The following AGAP1 variants were observed in gnomAD, a reference collection of about 807,000 sequenced individuals.
The protein encoded by AGAP1 is arf-GAP with GTPase, ANK repeat and PH domain-containing protein 1.
Under a neutral mutation model 105.3 loss-of-function variants are expected in AGAP1, and 29 were observed. That is an observed-to-expected ratio of 0.28 (90% CI 0.21 to 0.38). The LOEUF (loss-of-function observed/expected upper bound fraction) is 0.38, where lower values mean the gene tolerates loss of function less well. Ranked by LOEUF, AGAP1 falls within the 10% of genes least tolerant of loss-of-function variation. The pLI, the probability that AGAP1 is intolerant of heterozygous loss-of-function variation, is 1.00. For synonymous variants in AGAP1, 509 were observed against 485.9 expected, an observed-to-expected ratio of 1.05 and a Z score of -0.63; for missense variants, 998 against 1,165.1, an observed-to-expected ratio of 0.86 and a Z score of 2.09.
chr2:236,089,239 A>G lies in AGAP1; in HGVS notation c.2115-30953A>G, dbSNP rs773259321. Among the ~76,000 whole-genome samples, 11 of 152,240 alleles carry G rather than the reference A, an allele frequency of 7.2e-5. No homozygotes were observed. Among genetic ancestry groups the G allele is most frequent in the Non-Finnish European group, 1.0e-4 (7 of 68,044 alleles). ...GATTTTTATTTCCCCAAGAAAAAAT[A>G]AAAAGTTAAAGTCAGTCTAGTCAAT... On this transcript the variant is annotated intron_variant, in intron 16 of 17. Transcript: ENST00000304032. This position sits in a 1 kb window ranked among gnomAD's most constrained non-coding sequence, Gnocchi z 5.6.
chr2:235,686,646 GATATATAT>G lies in AGAP1; in HGVS notation c.164-22520_164-22513del, dbSNP rs869287617. ...ATATATATATATATATATATATATA[GATATATAT>G]ATATATATATATTTTTTTTTTTTTT... On this transcript the variant is annotated intron_variant, in intron 1 of 17. Coordinates refer to ENST00000304032, the MANE Select transcript of AGAP1 (RefSeq NM_001037131.3). Among the ~76,000 whole-genome samples the G allele has an allele frequency of 2.7e-4, 5 of 18,822 alleles. 1 individual carries two copies. The highest frequency in any genetic ancestry group is 4.1e-4 in the Non-Finnish European group (4 of 9,864). 12.3% of individuals were successfully genotyped at this position (18,822 alleles called of 152,430 possible).
intron 17 of AGAP1, among the ~76,000 whole-genome samples, chr2:236,122,537 T>TTC: frequency 6.6e-6 from 1 of 152,276 alleles, no homozygotes; most frequent in East Asian, 1.9e-4. Context: ...TTCACTCTTT[T>TTC]TCATGAGCAA....
chr2:235,857,015 T>G (rs1279961259), intron 9 of AGAP1, among the ~76,000 whole-genome samples: 1 of 152,170 alleles, frequency 6.6e-6, no homozygotes, highest in Non-Finnish European at 1.5e-5. Flanking sequence ...GGCCGGGATT[T>G]GTGTAAGTGA....
chr2:235,904,175 T>A lies in AGAP1; in HGVS notation c.1156-4563T>A, dbSNP rs575190972. On this transcript the variant is annotated intron_variant, in intron 10 of 17. Coordinates refer to ENST00000304032, the MANE Select transcript of AGAP1 (RefSeq NM_001037131.3). This position sits in a 1 kb window ranked among gnomAD's most constrained non-coding sequence, Gnocchi z 4.2. ...ACTATGTGAAAAGAAATCACATTAA[T>A]GCAGCTAATTAAGTGTACGGCAATA... Among the ~76,000 whole-genome samples, 14 of 152,222 alleles carry A rather than the reference T, an allele frequency of 9.2e-5. No individual in the cohort carries two copies. The highest frequency in any genetic ancestry group is 1.8e-4 in the Non-Finnish European group (12 of 68,044).
At position 235,638,072 on chromosome 2, in the gene AGAP1, C is replaced by T. The variant is rs572408060; in HGVS notation, c.164-71107C>T. On this transcript the variant is annotated intron_variant, in intron 1 of 17. Transcript: ENST00000304032. ...GACACACCCACAAATAATATCTTAC[C>T]GGCTGTTGGGGCGTTCCTTGGCCCA... Among the ~76,000 whole-genome samples, 12 of 152,232 alleles carry T rather than the reference C, an allele frequency of 7.9e-5. No homozygotes were observed. The South Asian group carries it at 1.7e-3, about 21-fold the overall frequency.
At position 235,714,604 on chromosome 2, in the gene AGAP1, A is replaced by G. The variant is rs1951006041; in HGVS notation, c.223-2953A>G. 6.6e-6 allele frequency among the ~76,000 whole-genome samples: 1 copy of G among 151,660 alleles called. No individual in the cohort carries two copies. The highest frequency in any genetic ancestry group is 2.4e-5 in the African/African-American group (1 of 41,248). On this transcript the variant is annotated intron_variant, in intron 2 of 17. Coordinates refer to ENST00000304032, the MANE Select transcript of AGAP1 (RefSeq NM_001037131.3). This position sits in a 1 kb window ranked among gnomAD's most constrained non-coding sequence, Gnocchi z 4.1. ...GGTGTAAGAGGACAGGACCGAGCAT[A>G]GGTTTTAGAAAGGCCACTCTGGCTG...
At position 235,953,067 on chromosome 2, in the gene AGAP1, G is replaced by A. The variant is rs1575868798; in HGVS notation, c.1484-15395G>A. On this transcript the variant is annotated intron_variant, in intron 12 of 17. Transcript: ENST00000304032. This position sits in a 1 kb window ranked among gnomAD's most constrained non-coding sequence, Gnocchi z 5.2. ...ACACCACGATGCTATCACCATCCTC[G>A]CTGACTGGGACATGCCACCCACCTC... Among the ~76,000 whole-genome samples the A allele has an allele frequency of 6.6e-6, 1 of 152,182 alleles. No homozygotes were observed. Among genetic ancestry groups the A allele is most frequent in the East Asian group, 1.9e-4 (1 of 5,194 alleles).
intron 1 of AGAP1, among the ~76,000 whole-genome samples, chr2:235,534,452 T>G (rs1943144239): frequency 6.6e-6 from 1 of 152,176 alleles, no homozygotes; most frequent in Non-Finnish European, 1.5e-5. Flanking sequence ...CTGCATGCAG[T>G]GCCCGAGGAT....
At position 235,951,064 on chromosome 2, in the gene AGAP1, A is replaced by G. The variant is rs2125263559; in HGVS notation, c.1484-17398A>G. Among the ~76,000 whole-genome samples, 1 of 152,274 alleles carries G rather than the reference A, an allele frequency of 6.6e-6. No homozygotes were observed. Among genetic ancestry groups the G allele is most frequent in the Non-Finnish European group, 1.5e-5 (1 of 68,018 alleles). ...TGAATTACTCATAGTTTTCTGCTGGAAGTAAATTTAATTCTAGTTTTTAAA... is the reference window on the plus strand; with the variant it reads ...TGAATTACTCATAGTTTTCTGCTGGGAGTAAATTTAATTCTAGTTTTTAAA... On this transcript the variant is annotated intron_variant, in intron 12 of 17. Transcript: ENST00000304032. This position sits in a 1 kb window ranked among gnomAD's most constrained non-coding sequence, Gnocchi z 4.2.
In AGAP1 at chr2:235,740,910, C is replaced by T; in HGVS notation, c.311-53C>T. Reference sequence around the variant, plus strand: ...ACAAGCGAAGCCCACGTCTGTCTGCCCTCCTCACTCTCTGTTGTTCTCGTG... The same window carrying T: ...ACAAGCGAAGCCCACGTCTGTCTGCTCTCCTCACTCTCTGTTGTTCTCGTG... On this transcript the variant is annotated intron_variant, in intron 3 of 17. Transcript: ENST00000304032. This position sits in a 1 kb window ranked among gnomAD's most constrained non-coding sequence, Gnocchi z 5.7. 1 of 1,610,048 alleles carries T rather than the reference C, an allele frequency of 6.2e-7. No homozygotes were observed.
At position 235,494,828 on chromosome 2, in the gene AGAP1, G is replaced by A. The variant is rs1941238335; in HGVS notation, c.142G>A (p.Glu48Lys). 6.3e-7 allele frequency: 1 copy of A among 1,575,568 alleles called. No homozygotes were observed. Among genetic ancestry groups the A allele is most frequent in the Non-Finnish European group, 8.6e-7 (1 of 1,160,816 alleles). The change falls in exon 1 of 18, where the codon GAG (glutamate) becomes AAG (lysine). Residue 48 changes from glutamate (E) to lysine (K), a missense_variant. By Grantham distance (56) the Glu-to-Lys change is moderately conservative. Coordinates refer to ENST00000304032, the MANE Select transcript of AGAP1 (RefSeq NM_001037131.3). ...EEPVLQNQIREHVIAIEDAFV... is the reference protein window; with the variant it reads ...EEPVLQNQIRKHVIAIEDAFV... ...GCCGGTGCTGCAGAACCAGATCCGGGAGCACGTCATCGCCATCGAAGGTGA... is the reference window on the plus strand; with the variant it reads ...GCCGGTGCTGCAGAACCAGATCCGGAAGCACGTCATCGCCATCGAAGGTGA...
At position 236,127,342 on chromosome 2, in the gene AGAP1, G is replaced by C. The variant is rs1559303552; in HGVS notation, c.*3220G>C. ...TCATCCCAGGAAATGAGCAGCTCGA[G>C]GGTGAGCAAGTGACAAGTTCCTGAG... On this transcript the variant is annotated 3_prime_UTR_variant, in exon 18 of 18. Transcript: ENST00000304032. The surrounding 1 kb of genome is among the most constrained non-coding windows in gnomAD (Gnocchi z 6.6). The C allele has an allele frequency of 6.6e-6, 1 of 152,262 alleles. No individual in the cohort carries two copies. The highest frequency in any genetic ancestry group is 1.9e-4 in the East Asian group (1 of 5,198). The allele number at this position is 152,262 out of a possible 1,614,324, so 9.4% of individuals were successfully genotyped here. A position where few individuals can be genotyped will look rare whatever the true frequency, so the allele number is the denominator to read the frequency against.
Position 235,700,367 on chromosome 2 carries a change from C to T in AGAP1, c.164-8812C>T, listed in dbSNP as rs568764390. 5.9e-5 allele frequency among the ~76,000 whole-genome samples: 9 copies of T among 152,208 alleles called. No homozygotes were observed. The highest frequency in any genetic ancestry group is 1.0e-4 in the Non-Finnish European group (7 of 68,044). On this transcript the variant is annotated intron_variant, in intron 1 of 17. Transcript: ENST00000304032. The surrounding 1 kb of genome is among the most constrained non-coding windows in gnomAD (Gnocchi z 6.1). ...CTTGCCGTTTTGACTTTCAAATCCTCACGCCCTCTGCTTTGATTCTCTCAG... is the reference window on the plus strand; with the variant it reads ...CTTGCCGTTTTGACTTTCAAATCCTTACGCCCTCTGCTTTGATTCTCTCAG...
chr2:235,570,997 T>G (rs1944494687), intron 1 of AGAP1, among the ~76,000 whole-genome samples: 1 of 152,236 alleles, frequency 6.6e-6, no homozygotes, highest in South Asian at 2.1e-4. Context: ...TTGCTCAGCT[T>G]CAGGGTGGCC....
chr2:235,633,693 C>G lies in AGAP1; in HGVS notation c.164-75486C>G, dbSNP rs993405768. 2.6e-5 allele frequency among the ~76,000 whole-genome samples: 4 copies of G among 152,142 alleles called. No homozygotes were observed. Among genetic ancestry groups the G allele is most frequent in the African/African-American group, 9.7e-5 (4 of 41,432 alleles). ...CTTGGCCTCTGTGTAACATTTCTTC[C>G]TCTCGGGTATGGGATGGGACCCCTC... On this transcript the variant is annotated intron_variant, in intron 1 of 17. Coordinates refer to ENST00000304032, the MANE Select transcript of AGAP1 (RefSeq NM_001037131.3). This position sits in a 1 kb window ranked among gnomAD's most constrained non-coding sequence, Gnocchi z 4.8.
intron 9 of AGAP1, among the ~76,000 whole-genome samples, chr2:235,854,948 G>A (rs918584194): frequency 1.3e-5 from 2 of 152,128 alleles, no homozygotes; most frequent in Non-Finnish European, 2.9e-5. Context: ...CTCTGACTTC[G>A]TCACGTAGAC....
chr2:235,700,522 G>C lies in AGAP1; in HGVS notation c.164-8657G>C, dbSNP rs571813873. Among the ~76,000 whole-genome samples, 57 of 152,214 alleles carry C rather than the reference G, an allele frequency of 3.7e-4. No homozygotes were observed. Among genetic ancestry groups the C allele is most frequent in the African/African-American group, 1.3e-3 (53 of 41,518 alleles). Reference sequence around the variant, plus strand: ...AGAAACTGTAATGAAAATGAGGGCCGGGTGTGTTGGCTCACACTTGTAATC... The same window carrying C: ...AGAAACTGTAATGAAAATGAGGGCCCGGTGTGTTGGCTCACACTTGTAATC... On this transcript the variant is annotated intron_variant, in intron 1 of 17. Transcript: ENST00000304032. This position sits in a 1 kb window ranked among gnomAD's most constrained non-coding sequence, Gnocchi z 6.1.
chr2:235,503,083 A>G (rs1233331787), intron 1 of AGAP1, among the ~76,000 whole-genome samples: 1 of 152,148 alleles, frequency 6.6e-6, no homozygotes, highest in Non-Finnish European at 1.5e-5. Context: ...TTTTCAGGAA[A>G]GAGTTTTCAC....
Position 235,927,158 on chromosome 2 carries a change from G to T in AGAP1, c.1325-3607G>T, listed in dbSNP as rs752744256. Reference sequence around the variant, plus strand: ...TAGTCCCGCAGTGGGAAGTGGGTGTGGCTGGGGCTGGGGGGCCTTCACGAG... The same window carrying T: ...TAGTCCCGCAGTGGGAAGTGGGTGTTGCTGGGGCTGGGGGGCCTTCACGAG... On this transcript the variant is annotated intron_variant, in intron 11 of 17. Transcript: ENST00000304032. The surrounding 1 kb of genome is among the most constrained non-coding windows in gnomAD (Gnocchi z 4.4). Among the ~76,000 whole-genome samples the T allele has an allele frequency of 6.6e-5, 10 of 152,202 alleles. No individual in the cohort carries two copies. Among genetic ancestry groups the T allele is most frequent in the Non-Finnish European group, 1.5e-4 (10 of 68,044 alleles).
Sources: allele counts gnomAD v4.1 joint callset (sites outside exome capture counted in the v4.1 genomes callset), GRCh38; gene constraint gnomAD v4.1.1; non-coding constraint Gnocchi (gnomAD v3.1); transcripts MANE v1.5; gene names NCBI Gene and HGNC (gene_info 2026-07-23, HGNC 2026-07-21).